The following PTGER3 variants were observed in gnomAD, a reference collection of about 807,000 sequenced individuals.
PTGER3 encodes prostaglandin E2 receptor EP3 subtype.
A neutral mutation model predicts 34.7 loss-of-function variants in PTGER3; 22 were observed. The ratio of observed to expected loss-of-function variants is 0.63; its 90% CI spans 0.45 to 0.91. PTGER3 has a LOEUF of 0.91. Among genes scored for constraint, PTGER3 ranks in the 40% least tolerant of loss-of-function variants. The pLI is 0.00. For synonymous variants in PTGER3, 241 were observed against 230.1 expected (o/e 1.05, Z -0.43); for missense variants, 468 against 519.4 (o/e 0.90, Z 0.96).
At chr1:70,990,442 A>G (rs1486670638) in intron 2 of PTGER3, among the ~76,000 whole-genome samples, 1 of 146,968 alleles carries the variant, frequency 6.8e-6, no homozygotes, top group Non-Finnish European at 1.5e-5. Context: ...ATCAATGTAT[A>G]ATATATATAT....
rs186738024 is a variant in PTGER3 at position 70,952,755 on chromosome 1, C to T, written c.*152G>A. ...TTTGCTAAAAATATGCCCATGTTTG[C>T]CCAAATGACCTGGCTTGCTGGTAAT... On this transcript the variant is annotated 3_prime_UTR_variant, in exon 4 of 4. Transcript: ENST00000356595. 42 of 1,290,528 alleles carry T rather than the reference C, an allele frequency of 3.3e-5. No individual in the cohort carries two copies. In the Admixed American group the frequency reaches 3.6e-4, roughly 11 times the overall value. 79.9% of individuals were successfully genotyped at this position (1,290,528 alleles called of 1,614,324 possible).
chr1:70,907,400 A>G (rs1646971740), intron 4 of PTGER3, among the ~76,000 whole-genome samples: 2 of 152,254 alleles, frequency 1.3e-5, no homozygotes, highest in Admixed American at 6.5e-5. Context: ...AGAGAAAAAG[A>G]ATGGACAAGC....
At position 70,938,552 on chromosome 1, in the gene PTGER3, G is replaced by A. The variant is rs558791928; in HGVS notation, c.*23+15211C>T. Among the ~76,000 whole-genome samples the A allele has an allele frequency of 2.6e-5, 4 of 152,126 alleles. No homozygotes were observed. The South Asian group carries it at 6.2e-4, about 24-fold the overall frequency. On this transcript the variant is annotated intron_variant, in intron 4 of 4. Transcript: ENST00000370931. ...TCTATTAGTCTGTTTTCAGGCTGCC[G>A]ATAAAGACATACCTGAGACTGGGAA...
chr1:70,868,412 A>ATAGC (rs1646091625), intron 4 of PTGER3, among the ~76,000 whole-genome samples: 1 of 152,178 alleles, frequency 6.6e-6, no homozygotes, highest in Non-Finnish European at 1.5e-5. Flanking sequence ...TCTTATCTCC[A>ATAGC]TAGCTTTAGA....
At chr1:70,942,204 A>G (rs1649821071) in intron 4 of PTGER3, among the ~76,000 whole-genome samples, 1 of 152,168 alleles carries the variant, frequency 6.6e-6, no homozygotes, top group Non-Finnish European at 1.5e-5. Flanking sequence ...CCACCCAGGC[A>G]TGATCACACA....
chr1:71,010,197 A>C, intron 2 of PTGER3: 1 of 984,740 alleles, frequency 1.0e-6, no homozygotes, highest in South Asian at 4.7e-5. Context: ...AATGTCCACT[A>C]TCATTTGGAA....
At chr1:70,932,151 C>T (rs1373313240) in intron 4 of PTGER3, among the ~76,000 whole-genome samples, 3 of 152,154 alleles carry the variant, frequency 2.0e-5, no homozygotes, top group Non-Finnish European at 2.9e-5. Flanking sequence ...TTTGCTAAAA[C>T]ATAACAAGGA....
chr1:70,965,425 G>C (rs1437984627), intron 2 of PTGER3, among the ~76,000 whole-genome samples: 1 of 152,130 alleles, frequency 6.6e-6, no homozygotes, highest in African/African-American at 2.4e-5. Context: ...GACCATGCCA[G>C]CAAAGACGGA....
intron 4 of PTGER3, among the ~76,000 whole-genome samples, chr1:70,892,501 A>G (rs4998696): frequency 0.19 from 28,784 of 152,120 alleles, 3,437 homozygotes; most frequent in Admixed American, 0.34. Context: ...AGATTGTACT[A>G]GCTATTCAAG....
At chr1:70,869,459 C>A (rs1184195837) in intron 4 of PTGER3, 1 of 298,562 alleles carries the variant, frequency 3.3e-6, no homozygotes, top group Non-Finnish European at 6.7e-6. Flanking sequence ...TCAATAGTAC[C>A]CCCAAATCTT....
chr1:70,893,650 T>C (rs1436961374), intron 4 of PTGER3, among the ~76,000 whole-genome samples: 2 of 152,184 alleles, frequency 1.3e-5, no homozygotes, highest in Non-Finnish European at 2.9e-5. Context: ...GAGTAAGAAC[T>C]CTTCCCTGAA....
At chr1:70,992,302 G>A (rs1351107722) in intron 2 of PTGER3, among the ~76,000 whole-genome samples, 1 of 152,188 alleles carries the variant, frequency 6.6e-6, no homozygotes, top group Non-Finnish European at 1.5e-5. Flanking sequence ...ATGCAACTTT[G>A]AACAAGCCAC....
intron 2 of PTGER3, among the ~76,000 whole-genome samples, chr1:71,003,987 G>A (rs1363679123): frequency 6.6e-6 from 1 of 152,132 alleles, no homozygotes; most frequent in East Asian, 1.9e-4. Flanking sequence ...TTTCTCAGAA[G>A]GGTCGTTGAT....
chr1:70,905,598 G>C (rs1311681264), intron 4 of PTGER3, among the ~76,000 whole-genome samples: 1 of 152,140 alleles, frequency 6.6e-6, no homozygotes, highest in Non-Finnish European at 1.5e-5. Context: ...TTTCGGACTT[G>C]TATGGGGCCT....
intron 3 of PTGER3, among the ~76,000 whole-genome samples, chr1:70,974,047 T>C (rs1397689985): frequency 1.3e-5 from 2 of 152,184 alleles, no homozygotes; most frequent in Admixed American, 1.3e-4. Flanking sequence ...ACAGATTCTT[T>C]CATGGCAAGA....
chr1:70,920,753 C>T (rs1486514977), intron 4 of PTGER3, among the ~76,000 whole-genome samples: 3 of 152,124 alleles, frequency 2.0e-5, no homozygotes, highest in Non-Finnish European at 4.4e-5. Flanking sequence ...TTCTGTTTTC[C>T]CTTCTGAAAC....
At chr1:70,981,582 T>C (rs562023548) in intron 2 of PTGER3, among the ~76,000 whole-genome samples, 1 of 151,954 alleles carries the variant, frequency 6.6e-6, no homozygotes, top group Non-Finnish European at 1.5e-5. Context: ...CTAATGTTTT[T>C]ATTTTTTGTA....
chr1:70,922,062 T>C (rs1179037347), intron 4 of PTGER3, among the ~76,000 whole-genome samples: 2 of 152,196 alleles, frequency 1.3e-5, no homozygotes, highest in Non-Finnish European at 2.9e-5. Flanking sequence ...GTCTAAATTA[T>C]ACAGGTCAGA....
At chr1:70,897,856 G>A (rs139710614) in intron 4 of PTGER3, among the ~76,000 whole-genome samples, 4 of 152,090 alleles carry the variant, frequency 2.6e-5, no homozygotes, top group Non-Finnish European at 5.9e-5. Context: ...TGTTTGATTT[G>A]TATCTCCCTA....
Sources: gnomAD v4.1 joint callset for allele counts (sites outside exome capture counted in the v4.1 genomes callset) on GRCh38, gnomAD v4.1.1 for gene constraint, MANE v1.5 for transcripts, NCBI Gene and HGNC (gene_info 2026-07-23, HGNC 2026-07-21) for gene names.